Variants in DSCAML1 observed in about 807,000 individuals in gnomAD.
DSCAML1 encodes cell adhesion molecule DSCAML1.
DSCAML1 carries 38 observed loss-of-function variants against 200.5 expected under a neutral mutation model. That is an observed-to-expected ratio of 0.19 (90% CI 0.15 to 0.25). The LOEUF (loss-of-function observed/expected upper bound fraction) is 0.25. Among genes scored for constraint, DSCAML1 ranks in the 10% least tolerant of loss-of-function variants. DSCAML1 has a pLI of 1.00. For missense variants in DSCAML1, 2,223 were observed against 2,858.8 expected (o/e 0.78, Z 5.07); for synonymous variants, 1,215 against 1,165.0 (o/e 1.04, Z -0.87).
Position 117,469,865 on chromosome 11 carries a change from G to T in DSCAML1, c.3024+45C>A. On this transcript the variant is annotated intron_variant, in intron 16 of 32. Transcript: ENST00000651296. The surrounding 1 kb of genome is among the most constrained non-coding windows in gnomAD (Gnocchi z 4.1). The stretch of plus-strand genomic sequence containing the variant: ...GCTTTCGTCCTGGATTGAGGAGAGA[G>T]GAGGCAAGCAGACATTCCAGGGGAG... 1 of 1,541,462 alleles carries T rather than the reference G, an allele frequency of 6.5e-7. No homozygotes were observed. Among genetic ancestry groups the T allele is most frequent in the Non-Finnish European group, 8.8e-7 (1 of 1,132,908 alleles).
chr11:117,749,868 G>A (rs2054577650), intron 3 of DSCAML1, among the ~76,000 whole-genome samples: 1 of 152,248 alleles, frequency 6.6e-6, no homozygotes, highest in South Asian at 2.1e-4. Context: ...ACAACCTCCA[G>A]CCTGTGCAGA....
chr11:117,805,509 A>G (rs1365029272), intron 1 of DSCAML1, among the ~76,000 whole-genome samples: 1 of 152,246 alleles, frequency 6.6e-6, no homozygotes, highest in Non-Finnish European at 1.5e-5. Flanking sequence ...ACAGTGGAAT[A>G]ATCAAAGGTA....
intron 3 of DSCAML1, among the ~76,000 whole-genome samples, chr11:117,536,451 G>A (rs577716346): frequency 5.9e-5 from 9 of 152,336 alleles, no homozygotes; most frequent in Admixed American, 3.3e-4. Context: ...TGGGTCCCAC[G>A]GGAGAAGGAA....
intron 4 of DSCAML1, among the ~76,000 whole-genome samples, chr11:117,527,857 T>C (rs913346180): frequency 2.0e-5 from 3 of 152,180 alleles, no homozygotes; most frequent in East Asian, 1.9e-4. Flanking sequence ...CCAGTGCTCG[T>C]CAGGGGCTGC....
intron 3 of DSCAML1, among the ~76,000 whole-genome samples, chr11:117,719,576 T>C (rs1253880223): frequency 6.6e-6 from 1 of 152,260 alleles, no homozygotes; most frequent in Non-Finnish European, 1.5e-5. Context: ...AGTTTGTAGA[T>C]GAGATTTATG....
chr11:117,779,880 G>A (rs1233064844), intron 2 of DSCAML1, among the ~76,000 whole-genome samples: 3 of 152,096 alleles, frequency 2.0e-5, no homozygotes, highest in Non-Finnish European at 2.9e-5. Context: ...CTTGTAATGT[G>A]TGCACTTTCC....
chr11:117,754,169 C>A (rs914426709), intron 3 of DSCAML1, among the ~76,000 whole-genome samples: 12 of 152,168 alleles, frequency 7.9e-5, no homozygotes, highest in Non-Finnish European at 1.5e-4. Context: ...TTCAAAGACA[C>A]CCTGCCCCTG....
At chr11:117,614,244 A>T (rs1219845890) in intron 3 of DSCAML1, among the ~76,000 whole-genome samples, 1 of 152,138 alleles carries the variant, frequency 6.6e-6, no homozygotes, top group Admixed American at 6.5e-5. Flanking sequence ...GCATCTGCTC[A>T]CATCGCTATC....
intron 3 of DSCAML1, among the ~76,000 whole-genome samples, chr11:117,544,548 C>T (rs1409345375): frequency 6.6e-6 from 1 of 152,158 alleles, no homozygotes; most frequent in Non-Finnish European, 1.5e-5. Flanking sequence ...CCTTTTGGTT[C>T]CACCTGCTGA....
At position 117,458,920 on chromosome 11, in the gene DSCAML1, C is replaced by A. The variant is rs768458037; in HGVS notation, c.3413-11G>T. ...GCATCTCGCCCCACTCTGCCAGAGA[C>A]CAGCAAACTCTGAGGACCCAGCTCC... On this transcript the variant is annotated splice_polypyrimidine_tract_variant and intron_variant, in intron 18 of 32. Coordinates refer to ENST00000651296, the MANE Select transcript of DSCAML1 (RefSeq NM_020693.4). 14 of 1,611,710 alleles carry A rather than the reference C, an allele frequency of 8.7e-6. No individual in the cohort carries two copies. Among genetic ancestry groups the A allele is most frequent in the Non-Finnish European group, 1.0e-5 (12 of 1,179,200 alleles).
At chr11:117,687,799 C>T (rs1282166982) in intron 3 of DSCAML1, among the ~76,000 whole-genome samples, 2 of 152,126 alleles carry the variant, frequency 1.3e-5, no homozygotes, top group Admixed American at 1.3e-4. Context: ...CTGGTAAGGG[C>T]AGCTTAATAG....
In DSCAML1 at chr11:117,724,114, AT is replaced by A. The variant is rs149941098; in HGVS notation, c.511+52676del. Among the ~76,000 whole-genome samples, 1,486 of 151,866 alleles carry A rather than the reference AT, an allele frequency of 9.8e-3. 24 individuals carry two copies. The highest frequency in any genetic ancestry group is 0.033 in the African/African-American group (1,366 of 41,374). On this transcript the variant is annotated intron_variant, in intron 3 of 32. Transcript: ENST00000651296. The stretch of plus-strand genomic sequence containing the variant: ...AGCTTTGTTTAAAGGCCATCACAAC[AT>A]TTTTCCCCCTCCTGTCTCACCTCAT...
rs141617981 is a variant in DSCAML1, at chr11:117,750,545, G to A, written c.511+26246C>T. Among the ~76,000 whole-genome samples, 903 of 152,292 alleles carry A rather than the reference G, an allele frequency of 5.9e-3. 2 individuals carry two copies. The highest frequency in any genetic ancestry group is 0.01 in the Non-Finnish European group (712 of 68,022). On this transcript the variant is annotated intron_variant, in intron 3 of 32. Transcript: ENST00000651296. ...AACGTGGATGAAATGTCTCCCGGGCGTGTCTACTCCCTGACAAGCACACGG... is the reference window on the plus strand; with the variant it reads ...AACGTGGATGAAATGTCTCCCGGGCATGTCTACTCCCTGACAAGCACACGG...
chr11:117,751,068 A>AG (rs1254867390), intron 3 of DSCAML1, among the ~76,000 whole-genome samples: 1 of 152,104 alleles, frequency 6.6e-6, no homozygotes, highest in Non-Finnish European at 1.5e-5. Context: ...GGCAGAGGGC[A>AG]GGGGCTGGGA....
At chr11:117,464,208 G>T (rs2048534515) in intron 17 of DSCAML1, among the ~76,000 whole-genome samples, 2 of 152,204 alleles carry the variant, frequency 1.3e-5, no homozygotes, top group South Asian at 4.1e-4. Context: ...CAAGAAGGAA[G>T]CTTGGAAGAA....
intron 3 of DSCAML1, among the ~76,000 whole-genome samples, chr11:117,566,826 G>GTGTT: frequency 6.6e-6 from 1 of 151,180 alleles, no homozygotes; most frequent in Non-Finnish European, 1.5e-5. Flanking sequence ...AGAATATGCG[G>GTGTT]TGTTTGGTTT....
chr11:117,667,304 C>T (rs1036917652), intron 3 of DSCAML1, among the ~76,000 whole-genome samples: 2 of 152,136 alleles, frequency 1.3e-5, no homozygotes, highest in Admixed American at 6.5e-5. Flanking sequence ...CCTAGCTACT[C>T]GGGAGGTTGA....
intron 3 of DSCAML1, among the ~76,000 whole-genome samples, chr11:117,559,087 C>T (rs1392277028): frequency 6.6e-6 from 1 of 150,834 alleles, no homozygotes; most frequent in African/African-American, 2.5e-5. Flanking sequence ...ACGTGGTGGT[C>T]TCCTTCCATA....
At chr11:117,607,780 G>C (rs991974066) in intron 3 of DSCAML1, among the ~76,000 whole-genome samples, 1 of 152,224 alleles carries the variant, frequency 6.6e-6, no homozygotes, top group Non-Finnish European at 1.5e-5. Context: ...GGAACCAGAG[G>C]GGCCTGTTCC....
Sources: gnomAD v4.1 joint callset for allele counts (sites outside exome capture counted in the v4.1 genomes callset) on GRCh38, gnomAD v4.1.1 for gene constraint, Gnocchi (gnomAD v3.1) non-coding constraint, MANE v1.5 for transcripts, NCBI Gene and HGNC (gene_info 2026-07-23, HGNC 2026-07-21) for gene names.